Variants in FBXO25 observed in about 807,000 individuals in gnomAD.
FBXO25 encodes the protein F-box protein 25, also known as F-box only protein 25.
FBXO25 carries 45 observed loss-of-function variants against 51.9 expected under a neutral mutation model. The ratio of observed to expected loss-of-function variants is 0.87; its 90% CI spans 0.68 to 1.11. FBXO25 has a LOEUF of 1.11. FBXO25 is among the 50% of genes most tolerant of loss of function. The probability of loss-of-function intolerance (pLI) is 0.00; values close to 1 mark genes in which losing one functional copy is unlikely to be tolerated. For synonymous variants in FBXO25, 199 were observed against 151.0 expected (o/e 1.32, Z -2.33); for missense variants, 507 against 428.5 (o/e 1.18, Z -1.62).
chr8:467,580 A>G, intron 9 of FBXO25: 2 of 842,580 alleles, frequency 2.4e-6, no homozygotes, highest in South Asian at 1.6e-5. Context: ...TAGTTACCTG[A>G]TGTTTTTAGT....
intron 8 of FBXO25, among the ~76,000 whole-genome samples, chr8:459,714 G>A (rs1799683910): frequency 1.3e-5 from 2 of 152,218 alleles, no homozygotes. Flanking sequence ...TGAGAGGTAT[G>A]TGGAGCTAGG....
At chr8:412,937 G>A (rs1796571516) in intron 1 of FBXO25, 136 bp from the exon 2 acceptor site, 31 of 856,140 alleles carry the variant, frequency 3.6e-5, no homozygotes, top group Non-Finnish European at 5.2e-5. Context: ...TGTCACCAAT[G>A]TCGAGCCAAC....
At chr8:425,162 C>G (rs1022112592) in intron 2 of FBXO25, among the ~76,000 whole-genome samples, 3 of 149,776 alleles carry the variant, frequency 2.0e-5, no homozygotes, top group Admixed American at 1.3e-4. Context: ...TCTATTATAA[C>G]CTACTTCATC....
intron 2 of FBXO25, among the ~76,000 whole-genome samples, chr8:424,895 A>C (rs1797378982): frequency 6.6e-6 from 1 of 152,058 alleles, no homozygotes; most frequent in African/African-American, 2.4e-5. Context: ...GTTGTTCTTA[A>C]ATGCATTTTA....
chr8:458,419 C>A lies in FBXO25; in HGVS notation c.711C>A (p.Asn237Lys), dbSNP rs140846541. The A allele has an allele frequency of 8.4e-5, 135 of 1,614,192 alleles. No individual in the cohort carries two copies. The highest frequency in any genetic ancestry group is 1.1e-4 in the Non-Finnish European group (129 of 1,180,014). Residue 237 changes from asparagine (N) to lysine (K), a missense_variant, in exon 8 of 10, where the codon AAC (asparagine) becomes AAA (lysine). By Grantham distance (94) the Asn-to-Lys change is moderately conservative (BLOSUM62 0). Transcript: ENST00000350302. ...TLSDLPLHML[N>K]NILYRFSDGW... ...GTGACCTTCCTCTGCACATGCTGAA[C>A]AACATCCTATACCGGTTCTCAGACG...
At chr8:437,733 T>C (rs1044372151) in intron 5 of FBXO25, among the ~76,000 whole-genome samples, 3 of 144,272 alleles carry the variant, frequency 2.1e-5, no homozygotes, top group Non-Finnish European at 4.6e-5. Flanking sequence ...TCTTTCAGTG[T>C]GTGCTATTTT....
intron 2 of FBXO25, among the ~76,000 whole-genome samples, chr8:422,670 G>A (rs1013608699): frequency 6.6e-6 from 1 of 152,192 alleles, no homozygotes; most frequent in Non-Finnish European, 1.5e-5. Flanking sequence ...ACCTTTAAAA[G>A]TCTTTTTAAG....
At chr8:427,326 G>C (rs1489893162) in intron 2 of FBXO25, among the ~76,000 whole-genome samples, 2 of 151,162 alleles carry the variant, frequency 1.3e-5, no homozygotes, top group Non-Finnish European at 2.9e-5. Context: ...CTGTGTTTGA[G>C]GATTTGTTCC....
In FBXO25 at chr8:471,217, G is replaced by A. The variant is rs1341853310; in HGVS notation, c.*2413G>A. 10 of 152,282 alleles carry A rather than the reference G, an allele frequency of 6.6e-5. No individual in the cohort carries two copies. The highest frequency in any genetic ancestry group is 2.2e-4 in the African/African-American group (9 of 41,428). 9.4% of individuals were successfully genotyped at this position (152,282 alleles called of 1,614,324 possible). ...GTCACAGCCTCCTGCAGGTGCGTTC[G>A]AGGGACAAGCTGTGGGAGCTGGGCA... is the stretch of plus-strand genomic sequence containing the variant. On this transcript the variant is annotated 3_prime_UTR_variant, in exon 10 of 10. Transcript: ENST00000350302.
intron 2 of FBXO25, among the ~76,000 whole-genome samples, chr8:415,611 C>T (rs1169567569): frequency 1.3e-5 from 2 of 152,140 alleles, no homozygotes; most frequent in Non-Finnish European, 2.9e-5. Context: ...GATGTCTGCA[C>T]AGCTGGACAG....
chr8:412,696 G>T (rs1170332019), intron 1 of FBXO25, among the ~76,000 whole-genome samples: 3 of 152,156 alleles, frequency 2.0e-5, no homozygotes, highest in Non-Finnish European at 4.4e-5. Flanking sequence ...TAGAGTTGCT[G>T]AACATGAATA....
chr8:462,261 C>T (rs1044322004), intron 8 of FBXO25, among the ~76,000 whole-genome samples: 3 of 152,184 alleles, frequency 2.0e-5, no homozygotes, highest in African/African-American at 4.8e-5. Flanking sequence ...ATGAGGTTAT[C>T]GTCCATTTCT....
intron 2 of FBXO25, among the ~76,000 whole-genome samples, chr8:422,718 C>T (rs1378022412): frequency 6.6e-6 from 1 of 152,164 alleles, no homozygotes; most frequent in Non-Finnish European, 1.5e-5. Context: ...CCAGAGGCAT[C>T]ACGTAGTCTG....
At chr8:409,514 G>C (rs1024426268) in intron 1 of FBXO25, among the ~76,000 whole-genome samples, 5 of 152,078 alleles carry the variant, frequency 3.3e-5, no homozygotes, top group African/African-American at 1.2e-4. Context: ...TAAAAGAATT[G>C]GTTATATTAA....
chr8:440,629 G>C (rs2116646745), intron 5 of FBXO25, among the ~76,000 whole-genome samples: 1 of 151,800 alleles, frequency 6.6e-6, no homozygotes, highest in African/African-American at 2.4e-5. Flanking sequence ...GTATACATGT[G>C]CTCAATGTGC....
chr8:458,454 T>A lies in FBXO25; in HGVS notation c.746T>A (p.Ile249Asn), dbSNP rs755146660. Residue 249 changes from isoleucine to asparagine, a missense_variant, in exon 8 of 10, where the codon ATC becomes AAC. Coordinates refer to ENST00000350302, the MANE Select transcript of FBXO25 (RefSeq NM_183420.2). ...TACCGGTTCTCAGACGGATGGGACATCATCACCTTAGGCCAGGTGACCCCC... is the reference window on the plus strand; with the variant it reads ...TACCGGTTCTCAGACGGATGGGACAACATCACCTTAGGCCAGGTGACCCCC... The part of the protein sequence containing the change: ...ILYRFSDGWD[I>N]ITLGQVTPTL... 6.2e-7 allele frequency: 1 copy of A among 1,614,174 alleles called. No homozygotes were observed. Among genetic ancestry groups the A allele is most frequent in the South Asian group, 1.1e-5 (1 of 91,084 alleles).
chr8:441,417 C>A (rs892581221), intron 5 of FBXO25, among the ~76,000 whole-genome samples: 22 of 152,128 alleles, frequency 1.4e-4, no homozygotes, highest in African/African-American at 5.3e-4. Flanking sequence ...AAAAACCCTA[C>A]AAGAAAAGCT....
intron 2 of FBXO25, among the ~76,000 whole-genome samples, chr8:425,356 C>A (rs562979989): frequency 1.3e-5 from 2 of 150,594 alleles, no homozygotes; most frequent in Non-Finnish European, 3.0e-5. Flanking sequence ...TTTTCCTTAT[C>A]TTTTACAATG....
At chr8:456,946 C>T (rs771941863) in intron 7 of FBXO25, among the ~76,000 whole-genome samples, 9 of 152,202 alleles carry the variant, frequency 5.9e-5, no homozygotes, top group Non-Finnish European at 1.0e-4. Context: ...CCACTCTCCA[C>T]AGAGGTCAGG....
Sources: allele counts gnomAD v4.1 joint callset (sites outside exome capture counted in the v4.1 genomes callset), GRCh38; gene constraint gnomAD v4.1.1; transcripts MANE v1.5; gene names NCBI Gene and HGNC (gene_info 2026-07-23, HGNC 2026-07-21).